Variants in NEK10 observed in about 807,000 individuals in gnomAD.
The protein encoded by NEK10 is serine/threonine-protein kinase Nek10.
A neutral mutation model predicts 159.8 loss-of-function variants in NEK10; 122 were observed. The observed-to-expected ratio is 0.76, with a 90% CI of 0.66 to 0.89. The LOEUF is 0.89. NEK10 is among the 40% of genes least tolerant of loss of function. The pLI is 0.00. For synonymous variants in NEK10, 466 were observed against 457.1 expected, an observed-to-expected ratio of 1.02 and a Z score of -0.25; for missense variants, 1,342 against 1,323.1, an observed-to-expected ratio of 1.01 and a Z score of -0.22.
At chr3:27,192,968 T>C (rs1170610314) in intron 25 of NEK10, among the ~76,000 whole-genome samples, 1 of 152,194 alleles carries the variant, frequency 6.6e-6, no homozygotes. Context: ...ATTTACCATT[T>C]ATTAGTCAGA....
chr3:27,240,777 G>C (rs1005377843), intron 23 of NEK10, among the ~76,000 whole-genome samples: 1 of 151,324 alleles, frequency 6.6e-6, no homozygotes, highest in Non-Finnish European at 1.5e-5. Context: ...TCAGCCTCCC[G>C]AGTAGATGAG....
At chr3:27,320,815 A>C (rs753428306) in intron 6 of NEK10, among the ~76,000 whole-genome samples, 3 of 152,238 alleles carry the variant, frequency 2.0e-5, no homozygotes, top group Non-Finnish European at 2.9e-5. Flanking sequence ...TGTAGTGCCC[A>C]TGAATCCCAG....
rs1356446666 is a variant in NEK10, at chr3:27,297,204, T to C, written c.1205A>G (p.Asp402Gly). 6.2e-7 allele frequency: 1 copy of C among 1,613,292 alleles called. No individual in the cohort carries two copies. The highest frequency in any genetic ancestry group is 1.3e-5 in the African/African-American group (1 of 75,032). The change falls in exon 14 of 36, where the codon GAC becomes GGC. Residue 402 changes from aspartate (D) to glycine (G), a missense_variant. Asp to Gly is a moderately conservative substitution (Grantham distance 94, BLOSUM62 -1). Transcript: ENST00000691995. ...CTGAACCACCTGGTGGGCATTGGTG[T>C]CATTGAGCACCAGCTCAGTGAGGGC... is the stretch of plus-strand genomic sequence containing the variant. Reference protein sequence around the residue: ...CAALTELVLNDTNAHQVVQEN... With the variant: ...CAALTELVLNGTNAHQVVQEN...
chr3:27,184,300 C>T (rs1297901469), intron 26 of NEK10, among the ~76,000 whole-genome samples: 1 of 152,074 alleles, frequency 6.6e-6, no homozygotes, highest in African/African-American at 2.4e-5. Flanking sequence ...GATATTTTGT[C>T]ATGGAAAAAA....
chr3:27,172,897 T>C (rs1236921940), intron 28 of NEK10, among the ~76,000 whole-genome samples: 1 of 152,168 alleles, frequency 6.6e-6, no homozygotes, highest in African/African-American at 2.4e-5. Context: ...AGGTAGGAAA[T>C]ATTCTAGGCT....
intron 33 of NEK10, among the ~76,000 whole-genome samples, chr3:27,118,463 G>A (rs1490335951): frequency 6.6e-6 from 1 of 152,196 alleles, no homozygotes; most frequent in Non-Finnish European, 1.5e-5. Flanking sequence ...ATGGGTTTAG[G>A]GTCAAGAAGA....
At chr3:27,367,537 AG>A (rs2049185652) in intron 1 of NEK10, 1 of 152,242 alleles carries the variant, frequency 6.6e-6, no homozygotes, top group South Asian at 2.1e-4. Flanking sequence ...TATAAGCAAA[AG>A]CTTCATTGGC....
intron 3 of NEK10, 114 bp from the exon 4 acceptor site, chr3:27,346,330 A>C: frequency 9.3e-7 from 1 of 1,079,742 alleles, no homozygotes; most frequent in Non-Finnish European, 1.4e-6. Flanking sequence ...CCAATAATTA[A>C]GATAACAACC....
At chr3:27,198,994 A>G (rs1245618577) in intron 25 of NEK10, among the ~76,000 whole-genome samples, 1 of 150,144 alleles carries the variant, frequency 6.7e-6, no homozygotes, top group Non-Finnish European at 1.5e-5. Flanking sequence ...AATCGCTTGA[A>G]CCTGGGAGGT....
intron 5 of NEK10, among the ~76,000 whole-genome samples, chr3:27,325,916 C>T (rs1024345360): frequency 1.3e-5 from 2 of 152,204 alleles, no homozygotes; most frequent in Non-Finnish European, 2.9e-5. Flanking sequence ...CCTCCTCTGG[C>T]CCAAGCACCC....
At chr3:27,185,112 CAAAG>C (rs1476348372) in intron 26 of NEK10, among the ~76,000 whole-genome samples, 1 of 151,980 alleles carries the variant, frequency 6.6e-6, no homozygotes, top group African/African-American at 2.4e-5. Context: ...AATTTTATAA[CAAAG>C]AAGTGAAGTT....
At chr3:27,183,743 A>T (rs1948358285) in intron 26 of NEK10, among the ~76,000 whole-genome samples, 1 of 152,134 alleles carries the variant, frequency 6.6e-6, no homozygotes, top group South Asian at 2.1e-4. Flanking sequence ...AAAAACAGAC[A>T]AGTAATCCAA....
chr3:27,364,610 A>G (rs9842899), intron 1 of NEK10, among the ~76,000 whole-genome samples: 9,071 of 152,308 alleles, frequency 0.06, 543 homozygotes, highest in African/African-American at 0.16. Flanking sequence ...TTAAAAATAG[A>G]GTTTAAATTC....
intron 5 of NEK10, among the ~76,000 whole-genome samples, chr3:27,341,173 G>A (rs1484304866): frequency 6.6e-6 from 1 of 152,122 alleles, no homozygotes; most frequent in Non-Finnish European, 1.5e-5. Context: ...ATAGAGAGTA[G>A]AATAATAGAT....
chr3:27,121,722 T>A (rs1185388823), intron 32 of NEK10, among the ~76,000 whole-genome samples: 1 of 152,136 alleles, frequency 6.6e-6, no homozygotes, highest in Non-Finnish European at 1.5e-5. Context: ...ATCAGCAGCA[T>A]GAAAATAGAC....
chr3:27,137,304 T>C (rs1943322461), intron 31 of NEK10, among the ~76,000 whole-genome samples: 1 of 152,206 alleles, frequency 6.6e-6, no homozygotes, highest in Non-Finnish European at 1.5e-5. Flanking sequence ...ATATTTATAA[T>C]AGTTTTACTC....
intron 1 of NEK10, among the ~76,000 whole-genome samples, chr3:27,354,524 T>G (rs566460174): frequency 6.6e-6 from 1 of 152,328 alleles, no homozygotes; most frequent in South Asian, 2.1e-4. Context: ...ATTTAATGGC[T>G]GCTTAAATGG....
Position 27,304,759 on chromosome 3 carries a change from TGAA to T in NEK10, c.1013_1015del (p.Leu338del), listed in dbSNP as rs1559468103. 6.2e-7 allele frequency: 1 copy of T among 1,611,842 alleles called. No individual in the cohort carries two copies. The highest frequency in any genetic ancestry group is 2.2e-5 in the East Asian group (1 of 44,878). Reference sequence around the variant, plus strand: ...CACTTTTACTCACCCTTGTAAAATATGAAGAAGCTGTTTGATGCCTCCCCAAAT... The same window carrying T: ...CACTTTTACTCACCCTTGTAAAATATGAAGCTGTTTGATGCCTCCCCAAAT... On this transcript the variant is annotated inframe_deletion, in exon 12 of 36. Coordinates refer to ENST00000691995, the MANE Select transcript of NEK10 (RefSeq NM_001394966.1).
At chr3:27,177,784 T>C (rs1347991362) in intron 26 of NEK10, among the ~76,000 whole-genome samples, 1 of 152,156 alleles carries the variant, frequency 6.6e-6, no homozygotes, top group African/African-American at 2.4e-5. Context: ...CACAATGCCT[T>C]ACACATAGCA....
Sources: gnomAD v4.1 joint callset for allele counts (sites outside exome capture counted in the v4.1 genomes callset) on GRCh38, gnomAD v4.1.1 for gene constraint, MANE v1.5 for transcripts, NCBI Gene and HGNC (gene_info 2026-07-23, HGNC 2026-07-21) for gene names.